The following SLC4A10 variants were observed in gnomAD, a reference collection of about 807,000 sequenced individuals.
The protein encoded by SLC4A10 is solute carrier family 4 member 10.
In SLC4A10, 42 loss-of-function variants were observed where a neutral mutation model predicts 137.7. The observed-to-expected ratio is 0.30, with a 90% CI of 0.24 to 0.39. The LOEUF (loss-of-function observed/expected upper bound fraction) is 0.39. Among genes scored for constraint, SLC4A10 ranks in the 10% least tolerant of loss-of-function variants. The pLI is 1.00. For synonymous variants in SLC4A10, 474 were observed against 464.1 expected (o/e 1.02, Z -0.27); for missense variants, 925 against 1,355.0 (o/e 0.68, Z 4.98).
chr2:161,970,998 G>T (rs1698423991), intron 23 of SLC4A10, among the ~76,000 whole-genome samples: 1 of 148,228 alleles, frequency 6.7e-6, no homozygotes, highest in South Asian at 2.2e-4. Context: ...CCCACCTGGA[G>T]TTTCTTCCCA....
chr2:161,764,448 T>G (rs2050585744), intron 1 of SLC4A10, among the ~76,000 whole-genome samples: 1 of 152,022 alleles, frequency 6.6e-6, no homozygotes, highest in South Asian at 2.1e-4. Context: ...AATTCAGAAT[T>G]GAAAATAAAC....
chr2:161,848,165 T>G (rs2125827765), intron 4 of SLC4A10, among the ~76,000 whole-genome samples: 1 of 152,282 alleles, frequency 6.6e-6, no homozygotes, highest in African/African-American at 2.4e-5. Context: ...TTGCTACTTG[T>G]ATTAGTATGT....
At chr2:161,705,160 T>C (rs950069893) in intron 1 of SLC4A10, among the ~76,000 whole-genome samples, 1 of 151,538 alleles carries the variant, frequency 6.6e-6, no homozygotes, top group African/African-American at 2.4e-5. Flanking sequence ...AATATTAAAA[T>C]GAATGCTATT....
At chr2:161,736,860 T>C (rs1574660178) in intron 1 of SLC4A10, among the ~76,000 whole-genome samples, 1 of 152,102 alleles carries the variant, frequency 6.6e-6, no homozygotes, top group Admixed American at 6.5e-5. Flanking sequence ...ATTATTATTA[T>C]TGTTATTATT....
intron 1 of SLC4A10, among the ~76,000 whole-genome samples, chr2:161,754,600 TTGAC>T (rs1296447682): frequency 6.6e-6 from 1 of 152,178 alleles, no homozygotes; most frequent in Non-Finnish European, 1.5e-5. Flanking sequence ...AATCATGTGA[TTGAC>T]TGAGTCACAA....
intron 3 of SLC4A10, among the ~76,000 whole-genome samples, chr2:161,819,997 T>C (rs62187696): frequency 0.066 from 10,107 of 152,160 alleles, 437 homozygotes; most frequent in East Asian, 0.15. Flanking sequence ...AAGAATCTAA[T>C]AGAAAAGATG....
At chr2:161,765,452 G>A (rs116078390) in intron 1 of SLC4A10, among the ~76,000 whole-genome samples, 4,300 of 151,756 alleles carry the variant, frequency 0.028, 191 homozygotes, top group African/African-American at 0.098. Flanking sequence ...ACTAAAAATG[G>A]AAAAATTAGC....
chr2:161,774,786 C>G (rs932368594), intron 2 of SLC4A10, among the ~76,000 whole-genome samples: 1 of 151,908 alleles, frequency 6.6e-6, no homozygotes, highest in Non-Finnish European at 1.5e-5. Context: ...CTGTACCAAA[C>G]AAATTCTGCT....
chr2:161,747,722 A>T (rs1374833514), intron 1 of SLC4A10, among the ~76,000 whole-genome samples: 1 of 152,130 alleles, frequency 6.6e-6, no homozygotes, highest in Non-Finnish European at 1.5e-5. Flanking sequence ...AGTTGTTTCC[A>T]TATCTTGGCT....
chr2:161,836,778 C>G (rs62187736), intron 3 of SLC4A10, among the ~76,000 whole-genome samples: 10,242 of 151,886 alleles, frequency 0.067, 454 homozygotes, highest in East Asian at 0.17. Context: ...GTATCATAAC[C>G]AAGCTTCTGA....
In SLC4A10 at chr2:161,905,907, C is replaced by T. The variant is rs561205085; in HGVS notation, c.1997+20C>T. ...ATACTCGTAAGTACCATTTCCCCTG[C>T]TGGCCTTGGGGCTTTTCTTTTGACA... On this transcript the variant is annotated intron_variant, in intron 15 of 26. Coordinates refer to ENST00000446997, the MANE Select transcript of SLC4A10 (RefSeq NM_001178015.2). 4.0e-4 allele frequency: 624 copies of T among 1,573,684 alleles called. 6 individuals are homozygous for T. In the South Asian group the frequency reaches 7.1e-3, roughly 18 times the overall value.
intron 1 of SLC4A10, among the ~76,000 whole-genome samples, chr2:161,754,195 T>C (rs1034799970): frequency 1.3e-5 from 2 of 152,000 alleles, no homozygotes; most frequent in African/African-American, 4.8e-5. Flanking sequence ...AACCACTGCG[T>C]CTTGCTGACT....
chr2:161,844,735 T>G (rs1379490284), intron 4 of SLC4A10, among the ~76,000 whole-genome samples: 1 of 152,138 alleles, frequency 6.6e-6, no homozygotes, highest in Non-Finnish European at 1.5e-5. Flanking sequence ...CTGTATATTT[T>G]AATAGGAGTA....
chr2:161,812,677 G>A lies in SLC4A10; in HGVS notation c.277+8082G>A, dbSNP rs1182774102. On this transcript the variant is annotated intron_variant, in intron 3 of 26. Coordinates refer to ENST00000446997, the MANE Select transcript of SLC4A10 (RefSeq NM_001178015.2). ...AGTAATGGCCTCCAGCTGCATTCAT[G>A]TTACTGCAAAAGGATATGATGTCAT... 3.3e-5 allele frequency among the ~76,000 whole-genome samples: 5 copies of A among 152,056 alleles called. No individual in the cohort carries two copies. The East Asian group carries it at 7.7e-4, about 23-fold the overall frequency.
chr2:161,812,407 G>T (rs906762636), intron 3 of SLC4A10, among the ~76,000 whole-genome samples: 1 of 151,910 alleles, frequency 6.6e-6, no homozygotes, highest in Non-Finnish European at 1.5e-5. Context: ...TACATGTGCA[G>T]GTTTGTTACA....
chr2:161,747,918 GT>G (rs941164264), intron 1 of SLC4A10, among the ~76,000 whole-genome samples: 14 of 152,046 alleles, frequency 9.2e-5, no homozygotes, highest in African/African-American at 3.4e-4. Context: ...TACCAACAGT[GT>G]ACAAGGCTTC....
chr2:161,853,869 C>T (rs1280422294), intron 4 of SLC4A10, among the ~76,000 whole-genome samples: 1 of 151,952 alleles, frequency 6.6e-6, no homozygotes, highest in Non-Finnish European at 1.5e-5. Context: ...CCATAGCTTT[C>T]CTGATCTCTC....
intron 10 of SLC4A10, among the ~76,000 whole-genome samples, chr2:161,886,728 T>A (rs1199332011): frequency 1.3e-5 from 2 of 152,078 alleles, no homozygotes; most frequent in Non-Finnish European, 2.9e-5. Flanking sequence ...TAGGGTACAA[T>A]CAGGAAGAAA....
chr2:161,678,077 T>C (rs2040457410), intron 1 of SLC4A10, among the ~76,000 whole-genome samples: 1 of 152,182 alleles, frequency 6.6e-6, no homozygotes, highest in Non-Finnish European at 1.5e-5. Context: ...TTTTTCACTG[T>C]GCATTTTAAA....
Sources: gnomAD v4.1 joint callset for allele counts (sites outside exome capture counted in the v4.1 genomes callset) on GRCh38, gnomAD v4.1.1 for gene constraint, MANE v1.5 for transcripts, NCBI Gene and HGNC (gene_info 2026-07-23, HGNC 2026-07-21) for gene names.